The following TTLL5 variants were observed in gnomAD, a reference collection of about 807,000 sequenced individuals.
TTLL5 encodes the protein tubulin tyrosine ligase like 5.
In TTLL5, 132 loss-of-function variants were observed where a neutral mutation model predicts 168.4. The ratio of observed to expected loss-of-function variants is 0.78; its 90% CI spans 0.68 to 0.91. The LOEUF (loss-of-function observed/expected upper bound fraction) is 0.91, where lower values mean the gene tolerates loss of function less well. TTLL5 is among the 40% of genes least tolerant of loss of function. The pLI, the probability that TTLL5 is intolerant of heterozygous loss-of-function variation, is 0.00. For missense variants in TTLL5, 1,545 were observed against 1,581.5 expected, an observed-to-expected ratio of 0.98 and a Z score of 0.39; for synonymous variants, 546 against 558.6, an observed-to-expected ratio of 0.98 and a Z score of 0.32.
chr14:75,748,700 A>G (rs1340742148), intron 17 of TTLL5, among the ~76,000 whole-genome samples: 1 of 152,262 alleles, frequency 6.6e-6, no homozygotes, highest in Admixed American at 6.5e-5. Context: ...ATTGTTTTCC[A>G]AAGTGGCTAT....
In TTLL5 at chr14:75,681,617, G is replaced by A. The variant is rs1884616115; in HGVS notation, c.254G>A (p.Gly85Glu). The A allele has an allele frequency of 6.2e-7, 1 of 1,613,086 alleles. No individual in the cohort carries two copies. Among genetic ancestry groups the A allele is most frequent in the Non-Finnish European group, 8.5e-7 (1 of 1,179,796 alleles). The change falls in exon 4 of 32, where the codon GGA becomes GAA. Residue 85 changes from glycine (G) to glutamate (E), a missense_variant. Coordinates refer to ENST00000298832, the MANE Select transcript of TTLL5 (RefSeq NM_015072.5). ...RLVRSILTAH[G>E]FHEVHPSSTD... Reference sequence around the variant, plus strand: ...GTACGCAGCATTCTGACAGCCCATGGATTTCATGAAGTAAGTTTATTTTTA... The same window carrying A: ...GTACGCAGCATTCTGACAGCCCATGAATTTCATGAAGTAAGTTTATTTTTA...
chr14:75,781,765 G>C (rs937058525), intron 24 of TTLL5, among the ~76,000 whole-genome samples: 3 of 152,062 alleles, frequency 2.0e-5, no homozygotes, highest in Admixed American at 1.3e-4. Flanking sequence ...GACCAGCCTG[G>C]TCAACATGGT....
chr14:75,872,051 T>C (rs2031080429), intron 29 of TTLL5, among the ~76,000 whole-genome samples: 1 of 152,212 alleles, frequency 6.6e-6, no homozygotes, highest in Non-Finnish European at 1.5e-5. Context: ...CAAATAAAAG[T>C]TAAAACACAC....
At position 75,820,071 on chromosome 14, in the gene TTLL5, T is replaced by C. The variant is rs1423490225; in HGVS notation, c.3236T>C (p.Leu1079Pro). Reference protein sequence around the residue: ...NRSSASAPPTLRPIISPSGPT... With the variant: ...NRSSASAPPTPRPIISPSGPT... The stretch of plus-strand genomic sequence containing the variant: ...AGCAGTGCTTCAGCTCCCCCAACCC[T>C]CCGACCCATCATCAGTCCTAGTGGC... The change falls in exon 28 of 32, where the codon CTC becomes CCC. Residue 1079 changes from leucine (L) to proline (P), a missense_variant. Coordinates refer to ENST00000298832, the MANE Select transcript of TTLL5 (RefSeq NM_015072.5). 6.2e-7 allele frequency: 1 copy of C among 1,609,886 alleles called. No homozygotes were observed. Among genetic ancestry groups the C allele is most frequent in the Non-Finnish European group, 8.5e-7 (1 of 1,178,310 alleles).
chr14:75,696,367 A>G (rs1269626604), intron 6 of TTLL5, among the ~76,000 whole-genome samples: 2 of 152,200 alleles, frequency 1.3e-5, no homozygotes, highest in African/African-American at 4.8e-5. Context: ...ATGGACACAG[A>G]TTAGATACTT....
chr14:75,755,210 A>C (rs1890172637), intron 18 of TTLL5, among the ~76,000 whole-genome samples: 1 of 151,970 alleles, frequency 6.6e-6, no homozygotes, highest in Non-Finnish European at 1.5e-5. Context: ...GGTTGCTCTG[A>C]GCTAAGATCG....
At chr14:75,793,292 C>G (rs929480257) in intron 27 of TTLL5, among the ~76,000 whole-genome samples, 192 bp downstream of exon 27, 1 of 152,258 alleles carries the variant, frequency 6.6e-6, no homozygotes. Context: ...CTTTCTGTTA[C>G]AGGCATTGTG....
rs146883991 is a variant in TTLL5, at chr14:75,753,213, T to C, written c.1550+258T>C. On this transcript the variant is annotated intron_variant, in intron 18 of 31. Coordinates refer to ENST00000298832, the MANE Select transcript of TTLL5 (RefSeq NM_015072.5). The stretch of plus-strand genomic sequence containing the variant: ...TTTTAACAGATGCCTTAAACTTTAT[T>C]CTTCTTTAAGGAAGGCCTTTACTTA... 3.7e-3 allele frequency among the ~76,000 whole-genome samples: 560 copies of C among 152,326 alleles called. 2 individuals are homozygous for C. Among genetic ancestry groups the C allele is most frequent in the Middle Eastern group, 0.02 (6 of 294 alleles).
rs369288458 is a variant in TTLL5, at chr14:75,917,500, G to A, written c.3823+15276G>A. 3.0e-4 allele frequency among the ~76,000 whole-genome samples: 46 copies of A among 152,362 alleles called. No individual in the cohort carries two copies. The East Asian group carries it at 6.5e-3, about 22-fold the overall frequency. On this transcript the variant is annotated intron_variant, in intron 31 of 31. Coordinates refer to ENST00000298832, the MANE Select transcript of TTLL5 (RefSeq NM_015072.5). ...GCCCTGTGGCCTCCGCCTCCCTGCA[G>A]TGTCTGGTTGTTATCTCAAATGGCT...
At position 75,947,687 on chromosome 14, in the gene TTLL5, A is replaced by G. The variant is rs371248876; in HGVS notation, c.3824-6737A>G. 1.5e-4 allele frequency among the ~76,000 whole-genome samples: 23 copies of G among 152,260 alleles called. No individual in the cohort carries two copies. In the East Asian group the frequency reaches 4.4e-3, roughly 29 times the overall value. On this transcript the variant is annotated intron_variant, in intron 31 of 31. Coordinates refer to ENST00000298832, the MANE Select transcript of TTLL5 (RefSeq NM_015072.5). ...AGGCTGTGCATAGTGGTTCACACCC[A>G]TAAACCCAGCACTTTGGGAGGCTAA... is the stretch of plus-strand genomic sequence containing the variant.
intron 30 of TTLL5, among the ~76,000 whole-genome samples, chr14:75,892,246 A>G (rs1186875602): frequency 6.6e-6 from 1 of 152,236 alleles, no homozygotes; most frequent in African/African-American, 2.4e-5. Context: ...CATAGCTATG[A>G]TGGATGAACA....
chr14:75,740,273 A>G (rs1323657724), intron 15 of TTLL5, among the ~76,000 whole-genome samples: 1 of 152,156 alleles, frequency 6.6e-6, no homozygotes, highest in East Asian at 1.9e-4. Context: ...TCTTCATACT[A>G]TTCTTCATAA....
Position 75,874,933 on chromosome 14 carries a change from C to CTTTTTTTTTTT in TTLL5, c.3523-7744_3523-7734dup, listed in dbSNP as rs1555353208. On this transcript the variant is annotated intron_variant, in intron 29 of 31. Coordinates refer to ENST00000298832, the MANE Select transcript of TTLL5 (RefSeq NM_015072.5). Reference sequence around the variant, plus strand: ...AGAGAAAAAAAAAGACACTGGGGGCCTTTTTTTTTTTTTTTTTTGAGACGG... The same window carrying CTTTTTTTTTTT: ...AGAGAAAAAAAAAGACACTGGGGGCCTTTTTTTTTTTTTTTTTTTTTTTTTTTTTGAGACGG... Among the ~76,000 whole-genome samples the CTTTTTTTTTTT allele has an allele frequency of 6.3e-4, 61 of 97,524 alleles. 2 individuals are homozygous for CTTTTTTTTTTT. Among genetic ancestry groups the CTTTTTTTTTTT allele is most frequent in the African/African-American group, 8.3e-4 (17 of 20,368 alleles). The allele number at this position is 97,524 out of a possible 152,430, so 64.0% of individuals were successfully genotyped here. A position where few individuals can be genotyped will look rare whatever the true frequency, so the allele number is the denominator to read the frequency against.
intron 31 of TTLL5, among the ~76,000 whole-genome samples, chr14:75,946,974 C>T (rs557968507): frequency 3.3e-5 from 5 of 152,218 alleles, no homozygotes; most frequent in African/African-American, 9.6e-5. Flanking sequence ...TCATGTTGCA[C>T]GAGAGAGCAG....
chr14:75,665,575 T>C (rs1883193933), intron 2 of TTLL5, among the ~76,000 whole-genome samples: 2 of 152,186 alleles, frequency 1.3e-5, no homozygotes, highest in African/African-American at 4.8e-5. Flanking sequence ...ATACCTGTAA[T>C]TGGCCAGGTG....
intron 28 of TTLL5, among the ~76,000 whole-genome samples, chr14:75,836,433 A>T (rs1301709301): frequency 1.3e-5 from 2 of 151,428 alleles, no homozygotes; most frequent in Non-Finnish European, 2.9e-5. Flanking sequence ...GGAAGTGGGG[A>T]TGGTTAATGG....
At chr14:75,798,245 T>C (rs1409664122) in intron 27 of TTLL5, among the ~76,000 whole-genome samples, 1 of 152,140 alleles carries the variant, frequency 6.6e-6, no homozygotes, top group East Asian at 1.9e-4. Context: ...GTGTTCATAG[T>C]AGCCTTGAGT....
At chr14:75,670,585 T>C (rs577395747) in intron 3 of TTLL5, among the ~76,000 whole-genome samples, 1 of 152,362 alleles carries the variant, frequency 6.6e-6, no homozygotes, top group East Asian at 1.9e-4. Context: ...ACATTTGATA[T>C]TTTCTGTTTC....
At chr14:75,763,769 G>A (rs1890805099) in intron 18 of TTLL5, among the ~76,000 whole-genome samples, 1 of 152,156 alleles carries the variant, frequency 6.6e-6, no homozygotes, top group Non-Finnish European at 1.5e-5. Context: ...GTCACTGCCT[G>A]ATTTGTGATT....
Sources: gnomAD v4.1 joint callset for allele counts (sites outside exome capture counted in the v4.1 genomes callset) on GRCh38, gnomAD v4.1.1 for gene constraint, MANE v1.5 for transcripts, NCBI Gene and HGNC (gene_info 2026-07-23, HGNC 2026-07-21) for gene names.